Variants in HDGFL1 observed in about 807,000 individuals in gnomAD.
HDGFL1 encodes hepatoma-derived growth factor-like protein 1.
For synonymous variants in HDGFL1, 190 were observed against 165.1 expected (o/e 1.15, Z -1.16); for missense variants, 422 against 365.3 (o/e 1.16, Z -1.27).
Position 22,570,174 on chromosome 6 carries a change from C to A in HDGFL1, c.599C>A (p.Ala200Glu). Residue 200 changes from alanine (A) to glutamate (E), a missense_variant, in exon 1 of 1, where the codon GCG becomes GAG. By Grantham distance (107) the Ala-to-Glu change is moderately radical. Transcript: ENST00000510882. ...GACGAGGAGAGTCCGTTCCTCGTGGCGGTGGAGAACGGCAGCGCCCCTAGC... is the reference window on the plus strand; with the variant it reads ...GACGAGGAGAGTCCGTTCCTCGTGGAGGTGGAGAACGGCAGCGCCCCTAGC... ...AVDEESPFLV[A>E]VENGSAPSEP... 6.4e-7 allele frequency: 1 copy of A among 1,559,216 alleles called. No homozygotes were observed. Among genetic ancestry groups the A allele is most frequent in the Admixed American group, 2.0e-5 (1 of 50,472 alleles).
chr6:22,570,215 T>C lies in HDGFL1; in HGVS notation c.640T>C (p.Cys214Arg). 6.4e-7 allele frequency: 1 copy of C among 1,566,234 alleles called. No individual in the cohort carries two copies. The highest frequency in any genetic ancestry group is 1.9e-5 in the Admixed American group (1 of 52,468). The stretch of plus-strand genomic sequence containing the variant: ...CGCCCCTAGCGAGCCGGGCCTGGTC[T>C]GCGAGCCGCCTCAGCCAGAGGAGGA... Reference protein sequence around the residue: ...GSAPSEPGLVCEPPQPEEEEL... With the variant: ...GSAPSEPGLVREPPQPEEEEL... Residue 214 changes from cysteine (C) to arginine (R), a missense_variant, in exon 1 of 1, where the codon TGC becomes CGC. Cys to Arg is a radical substitution (Grantham distance 180). Transcript: ENST00000510882.
At position 22,571,596 on chromosome 6, in the gene HDGFL1, G is replaced by A. The variant is rs41271765; in HGVS notation, c.*1265G>A. The A allele has an allele frequency of 0.047, 7,896 of 167,112 alleles. 236 individuals carry two copies. Among genetic ancestry groups the A allele is most frequent in the Admixed American group, 0.066 (1,015 of 15,290 alleles). The allele number at this position is 167,112 out of a possible 1,614,324, so 10.4% of individuals were successfully genotyped here. ...ATGAAAAATTGTTGACTGCAGTTTC[G>A]GAAGTTTGATCTGAGAACCAACCAT... On this transcript the variant is annotated 3_prime_UTR_variant, in exon 1 of 1. Transcript: ENST00000510882.
chr6:22,570,328 G>C lies in HDGFL1; in HGVS notation c.753G>C (p.Leu251=). 5 of 1,461,160 alleles carry C rather than the reference G, an allele frequency of 3.4e-6. No individual in the cohort carries two copies. Among genetic ancestry groups the C allele is most frequent in the Non-Finnish European group, 4.5e-6 (5 of 1,107,706 alleles). The allele number at this position is 1,461,160 out of a possible 1,614,324, so 90.5% of individuals were successfully genotyped here. A position where few individuals can be genotyped will look rare whatever the true frequency, so the allele number is the denominator to read the frequency against. The change falls in exon 1 of 1, where the codon CTG becomes CTC. Residue 251 remains leucine, a synonymous_variant. Transcript: ENST00000510882. ...EAPGGGDRDS[L] is the part of the protein sequence containing the mutation. ...CGGGCGGCGGAGATCGCGACAGCCT[G>C]TAGTTACCAGCGTTTCCAGAAGAGC...
rs1210163683 is a variant in HDGFL1, at chr6:22,570,289, G to T, written c.714G>T (p.Trp238Cys). The T allele has an allele frequency of 2.7e-6, 4 of 1,506,066 alleles. No homozygotes were observed. Among genetic ancestry groups the T allele is most frequent in the South Asian group, 2.6e-5 (2 of 76,082 alleles). 93.3% of individuals were successfully genotyped at this position (1,506,066 alleles called of 1,614,324 possible). A position where few individuals can be genotyped will look rare whatever the true frequency, so the allele number is the denominator to read the frequency against. Reference sequence around the variant, plus strand: ...CGGACGAGGAGGCCTCCCAGGAGTGGCATGCCGAGGCACCGGGCGGCGGAG... The same window carrying T: ...CGGACGAGGAGGCCTCCCAGGAGTGTCATGCCGAGGCACCGGGCGGCGGAG... ...EVADEEASQEWHAEAPGGGDR... is the reference protein window; with the variant it reads ...EVADEEASQECHAEAPGGGDR... The change falls in exon 1 of 1, where the codon TGG (tryptophan) becomes TGT (cysteine). Residue 238 changes from tryptophan (W) to cysteine (C), a missense_variant. Trp to Cys is a radical substitution (Grantham distance 215). Coordinates refer to ENST00000510882, the MANE Select transcript of HDGFL1 (RefSeq NM_138574.4).
Position 22,570,019 on chromosome 6 carries a change from C to G in HDGFL1, c.444C>G (p.Ser148Arg). ...AGGAGAAGGGGCCGCTGAAGAGGAG[C>G]GCGGGGGACCCGCCGGAGGACGCCC... ...TEEEKGPLKRSAGDPPEDAPK... is the reference protein window; with the variant it reads ...TEEEKGPLKRRAGDPPEDAPK... The change falls in exon 1 of 1, where the codon AGC (serine) becomes AGG (arginine). Residue 148 changes from serine to arginine, a missense_variant. Ser to Arg is a moderately radical substitution (Grantham distance 110). Coordinates refer to ENST00000510882, the MANE Select transcript of HDGFL1 (RefSeq NM_138574.4). 2 of 1,547,482 alleles carry G rather than the reference C, an allele frequency of 1.3e-6. No homozygotes were observed. The highest frequency in any genetic ancestry group is 1.7e-6 in the Non-Finnish European group (2 of 1,146,382).
rs1043765665 is a variant in HDGFL1 at position 22,571,171 on chromosome 6, C to T, written c.*840C>T. ...CTGCCGCTTTCTCTCCCCACAGCCTCAAGGCCACCCTACCGTCATATATAT... is the reference window on the plus strand; with the variant it reads ...CTGCCGCTTTCTCTCCCCACAGCCTTAAGGCCACCCTACCGTCATATATAT... On this transcript the variant is annotated 3_prime_UTR_variant, in exon 1 of 1. Coordinates refer to ENST00000510882, the MANE Select transcript of HDGFL1 (RefSeq NM_138574.4). The T allele has an allele frequency of 3.6e-5, 6 of 167,090 alleles. No individual in the cohort carries two copies. The highest frequency in any genetic ancestry group is 7.3e-5 in the Non-Finnish European group (5 of 68,184). 10.4% of individuals were successfully genotyped at this position (167,090 alleles called of 1,614,324 possible).
Position 22,570,720 on chromosome 6 carries a change from C to G in HDGFL1, c.*389C>G, listed in dbSNP as rs2113626984. The G allele has an allele frequency of 4.5e-6, 1 of 221,884 alleles. No homozygotes were observed. Among genetic ancestry groups the G allele is most frequent in the South Asian group, 1.9e-4 (1 of 5,304 alleles). 13.7% of individuals were successfully genotyped at this position (221,884 alleles called of 1,614,324 possible). A position where few individuals can be genotyped will look rare whatever the true frequency, so the allele number is the denominator to read the frequency against. On this transcript the variant is annotated 3_prime_UTR_variant, in exon 1 of 1. Transcript: ENST00000510882. ...CACCTCTAGACACCCCTCTCCACCC[C>G]TCCTGCTTCCCCAGGCATTATGAAC...
rs1451378334 is a variant in HDGFL1, at chr6:22,571,295, C to T, written c.*964C>T. 1 of 167,126 alleles carries T rather than the reference C, an allele frequency of 6.0e-6. No homozygotes were observed. The highest frequency in any genetic ancestry group is 2.4e-5 in the African/African-American group (1 of 41,454). The allele number at this position is 167,126 out of a possible 1,614,324, so 10.4% of individuals were successfully genotyped here. A position where few individuals can be genotyped will look rare whatever the true frequency, so the allele number is the denominator to read the frequency against. ...TAAGAACTACCTCTAGGTGTGCCTC[C>T]ACGCTGGCCCTAGCTTTCCCATTGC... On this transcript the variant is annotated 3_prime_UTR_variant, in exon 1 of 1. Transcript: ENST00000510882.
chr6:22,570,225 C>G lies in HDGFL1; in HGVS notation c.650C>G (p.Pro217Arg), dbSNP rs866049548. 1.9e-6 allele frequency: 3 copies of G among 1,565,046 alleles called. No homozygotes were observed. Among genetic ancestry groups the G allele is most frequent in the African/African-American group, 1.4e-5 (1 of 74,050 alleles). The change falls in exon 1 of 1, where the codon CCT becomes CGT. Residue 217 changes from proline to arginine, a missense_variant. Transcript: ENST00000510882. Reference sequence around the variant, plus strand: ...GAGCCGGGCCTGGTCTGCGAGCCGCCTCAGCCAGAGGAGGAGGAGCTCCGG... The same window carrying G: ...GAGCCGGGCCTGGTCTGCGAGCCGCGTCAGCCAGAGGAGGAGGAGCTCCGG... Reference protein sequence around the residue: ...PSEPGLVCEPPQPEEEELREE... With the variant: ...PSEPGLVCEPRQPEEEELREE...
chr6:22,569,986 C>T lies in HDGFL1; in HGVS notation c.411C>T (p.Pro137=). Residue 137 remains proline (P), a synonymous_variant, in exon 1 of 1, where the codon CCC becomes CCT. Coordinates refer to ENST00000510882, the MANE Select transcript of HDGFL1 (RefSeq NM_138574.4). ...DELGKPDDDK[P]TEEEKGPLKR... ...TGGGGAAGCCGGACGACGACAAGCC[C>T]ACTGAGGAGGAGAAGGGGCCGCTGA... 1 of 1,549,022 alleles carries T rather than the reference C, an allele frequency of 6.5e-7. No homozygotes were observed. The highest frequency in any genetic ancestry group is 8.7e-7 in the Non-Finnish European group (1 of 1,147,004).
In HDGFL1 at chr6:22,571,315, C is replaced by T. The variant is rs982924140; in HGVS notation, c.*984C>T. ...GCCTCCACGCTGGCCCTAGCTTTCC[C>T]ATTGCTGTTCCATTGCTGAGACAAA... On this transcript the variant is annotated 3_prime_UTR_variant, in exon 1 of 1. Coordinates refer to ENST00000510882, the MANE Select transcript of HDGFL1 (RefSeq NM_138574.4). The T allele has an allele frequency of 3.0e-5, 5 of 167,166 alleles. No individual in the cohort carries two copies. Among genetic ancestry groups the T allele is most frequent in the Non-Finnish European group, 4.4e-5 (3 of 68,146 alleles). The allele number at this position is 167,166 out of a possible 1,614,324, so 10.4% of individuals were successfully genotyped here. A position where few individuals can be genotyped will look rare whatever the true frequency, so the allele number is the denominator to read the frequency against.
chr6:22,569,608 C>T lies in HDGFL1; in HGVS notation c.33C>T (p.Ser11=). The T allele has an allele frequency of 2.5e-6, 4 of 1,614,128 alleles. 1 individual carries two copies. Among genetic ancestry groups the T allele is most frequent in the Non-Finnish European group, 3.4e-6 (4 of 1,180,000 alleles). The part of the protein sequence containing the change: MSAYGMPMYK[S]GDLVFAKLKG... ...CCTACGGCATGCCCATGTACAAGAG[C>T]GGGGACCTGGTGTTTGCCAAGTTAA... Residue 11 remains serine, a synonymous_variant, in exon 1 of 1, where the codon AGC becomes AGT. Coordinates refer to ENST00000510882, the MANE Select transcript of HDGFL1 (RefSeq NM_138574.4).
rs1561829457 is a variant in HDGFL1, at chr6:22,570,137, G to GCGA, written c.565_567dup (p.Thr189dup). The GCGA allele has an allele frequency of 2.0e-6, 3 of 1,532,178 alleles. No homozygotes were observed. Among genetic ancestry groups the GCGA allele is most frequent in the South Asian group, 1.2e-5 (1 of 80,982 alleles). The allele number at this position is 1,532,178 out of a possible 1,614,324, so 94.9% of individuals were successfully genotyped here. ...GGAGAGGGCGGCGGCGGCGGCGGCG[G>GCGA]CGACGGCCGTCGACGAGGAGAGTCC... On this transcript the variant is annotated inframe_insertion, in exon 1 of 1. Transcript: ENST00000510882.
rs1178735561 is a variant in HDGFL1 at position 22,570,906 on chromosome 6, C to T, written c.*575C>T. ...CCATGCCTGCCATACCTGCCAGCTT[C>T]AGACATTTAGGGAAAAGGGGCAGCA... On this transcript the variant is annotated 3_prime_UTR_variant, in exon 1 of 1. Coordinates refer to ENST00000510882, the MANE Select transcript of HDGFL1 (RefSeq NM_138574.4). 6.0e-6 allele frequency: 1 copy of T among 167,306 alleles called. No homozygotes were observed. 10.4% of individuals were successfully genotyped at this position (167,306 alleles called of 1,614,324 possible). A position where few individuals can be genotyped will look rare whatever the true frequency, so the allele number is the denominator to read the frequency against.
In HDGFL1 at chr6:22,571,018, G is replaced by T. The variant is rs1760915594; in HGVS notation, c.*687G>T. 1 of 166,906 alleles carries T rather than the reference G, an allele frequency of 6.0e-6. No individual in the cohort carries two copies. The highest frequency in any genetic ancestry group is 2.4e-5 in the African/African-American group (1 of 41,362). 10.3% of individuals were successfully genotyped at this position (166,906 alleles called of 1,614,324 possible). A position where few individuals can be genotyped will look rare whatever the true frequency, so the allele number is the denominator to read the frequency against. On this transcript the variant is annotated 3_prime_UTR_variant, in exon 1 of 1. Coordinates refer to ENST00000510882, the MANE Select transcript of HDGFL1 (RefSeq NM_138574.4). Reference sequence around the variant, plus strand: ...GCCGTTTTTCATCAAAACGTTTGGGGGCTTCCAAGTTGTTTGTGAGATCTG... The same window carrying T: ...GCCGTTTTTCATCAAAACGTTTGGGTGCTTCCAAGTTGTTTGTGAGATCTG...
chr6:22,569,795 G>A lies in HDGFL1; in HGVS notation c.220G>A (p.Gly74Ser). The change falls in exon 1 of 1, where the codon GGC (glycine) becomes AGC (serine). Residue 74 changes from glycine (G) to serine (S), a missense_variant. By Grantham distance (56) the Gly-to-Ser change is moderately conservative. Transcript: ENST00000510882. Reference sequence around the variant, plus strand: ...GTTCGGCAAGCCCAACAAGAGGCGCGGCTTCAGCGCGGGGCTGTGGGAAAT... The same window carrying A: ...GTTCGGCAAGCCCAACAAGAGGCGCAGCTTCAGCGCGGGGCTGTGGGAAAT... The part of the protein sequence containing the change: ...EKFGKPNKRR[G>S]FSAGLWEIEN... The A allele has an allele frequency of 6.2e-7, 1 of 1,613,956 alleles. No homozygotes were observed. The highest frequency in any genetic ancestry group is 8.5e-7 in the Non-Finnish European group (1 of 1,179,978).
Position 22,570,814 on chromosome 6 carries a change from T to G in HDGFL1, c.*483T>G. On this transcript the variant is annotated 3_prime_UTR_variant, in exon 1 of 1. Coordinates refer to ENST00000510882, the MANE Select transcript of HDGFL1 (RefSeq NM_138574.4). Reference sequence around the variant, plus strand: ...AAGAGCAGAGGGCACTTGCAGGGCCTGGGATGAGCAGTCTTCAAGCTGTGG... The same window carrying G: ...AAGAGCAGAGGGCACTTGCAGGGCCGGGGATGAGCAGTCTTCAAGCTGTGG... The G allele has an allele frequency of 5.9e-6, 1 of 170,054 alleles. No individual in the cohort carries two copies. The highest frequency in any genetic ancestry group is 1.4e-5 in the Non-Finnish European group (1 of 70,250). 10.5% of individuals were successfully genotyped at this position (170,054 alleles called of 1,614,324 possible).
Position 22,570,170 on chromosome 6 carries a change from G to C in HDGFL1, c.595G>C (p.Val199Leu). The change falls in exon 1 of 1, where the codon GTG becomes CTG. Residue 199 changes from valine to leucine, a missense_variant. Val to Leu is a conservative substitution (Grantham distance 32). Coordinates refer to ENST00000510882, the MANE Select transcript of HDGFL1 (RefSeq NM_138574.4). ...CGTCGACGAGGAGAGTCCGTTCCTCGTGGCGGTGGAGAACGGCAGCGCCCC... is the reference window on the plus strand; with the variant it reads ...CGTCGACGAGGAGAGTCCGTTCCTCCTGGCGGTGGAGAACGGCAGCGCCCC... ...TAVDEESPFL[V>L]AVENGSAPSE... 3 of 1,559,502 alleles carry C rather than the reference G, an allele frequency of 1.9e-6. No homozygotes were observed.
Sources: gnomAD v4.1 joint callset for allele counts on GRCh38, gnomAD v4.1.1 for gene constraint, MANE v1.5 for transcripts, NCBI Gene and HGNC (gene_info 2026-07-23, HGNC 2026-07-21) for gene names.